GUCY1A2: variants seen among roughly 807,000 people sequenced by gnomAD.
The protein encoded by GUCY1A2 is guanylate cyclase soluble subunit alpha-2.
Under a neutral mutation model 63.5 loss-of-function variants are expected in GUCY1A2, and 27 were observed. That is an observed-to-expected ratio of 0.43 (90% CI 0.31 to 0.59). The LOEUF (loss-of-function observed/expected upper bound fraction) is 0.59. Ranked by LOEUF, GUCY1A2 falls within the 20% of genes least tolerant of loss-of-function variation. The pLI, the probability that GUCY1A2 is intolerant of heterozygous loss-of-function variation, is 0.11. For synonymous variants in GUCY1A2, 364 were observed against 343.5 expected (o/e 1.06, Z -0.66); for missense variants, 768 against 913.3 (o/e 0.84, Z 2.05).
rs1161051415 is a variant in GUCY1A2 at position 106,917,277 on chromosome 11, T to C, written c.1206+22183A>G. Among the ~76,000 whole-genome samples the C allele has an allele frequency of 1.4e-5, 2 of 144,732 alleles. 1 individual carries two copies. Among genetic ancestry groups the C allele is most frequent in the Non-Finnish European group, 3.1e-5 (2 of 64,514 alleles). The allele number at this position is 144,732 out of a possible 152,430, so 94.9% of individuals were successfully genotyped here. On this transcript the variant is annotated intron_variant, in intron 4 of 7. Transcript: ENST00000526355. ...AAACAAGCAGCATATTCAAAGGCCCTGTGGCAACCAGAAGGAGCTTAGCAT... is the reference window on the plus strand; with the variant it reads ...AAACAAGCAGCATATTCAAAGGCCCCGTGGCAACCAGAAGGAGCTTAGCAT...
At chr11:106,736,490 G>C (rs902130045) in intron 6 of GUCY1A2, among the ~76,000 whole-genome samples, 1 of 152,066 alleles carries the variant, frequency 6.6e-6, no homozygotes, top group Non-Finnish European at 1.5e-5. Flanking sequence ...ATTAGCCTAT[G>C]TGTCTATTTT....
Position 106,703,601 on chromosome 11 carries a change from C to T in GUCY1A2, c.1991+4911G>A, listed in dbSNP as rs78923030. ...GAAAAGGCAAGAAAGCATGTTATCACCTAGAACTTTCAGCAAAGAATGAAG... is the reference window on the plus strand; with the variant it reads ...GAAAAGGCAAGAAAGCATGTTATCATCTAGAACTTTCAGCAAAGAATGAAG... On this transcript the variant is annotated intron_variant, in intron 7 of 7. Transcript: ENST00000526355. Among the ~76,000 whole-genome samples the T allele has an allele frequency of 9.9e-3, 1,504 of 152,174 alleles. 20 individuals carry two copies. Among genetic ancestry groups the T allele is most frequent in the African/African-American group, 0.034 (1,400 of 41,524 alleles).
At chr11:106,933,849 G>C (rs1037541298) in intron 4 of GUCY1A2, among the ~76,000 whole-genome samples, 8 of 152,218 alleles carry the variant, frequency 5.3e-5, no homozygotes, top group African/African-American at 1.9e-4. Context: ...AACAAACACA[G>C]GAACGGAAAA....
intron 4 of GUCY1A2, among the ~76,000 whole-genome samples, chr11:106,855,541 G>T (rs985649248): frequency 2.0e-5 from 3 of 151,992 alleles, no homozygotes; most frequent in African/African-American, 7.3e-5. Flanking sequence ...TTTCTCCCAG[G>T]TCTACAACCC....
intron 4 of GUCY1A2, among the ~76,000 whole-genome samples, chr11:106,847,181 G>T (rs1859284946): frequency 6.7e-6 from 1 of 148,512 alleles, no homozygotes. Context: ...CTCAACATCT[G>T]CCTGGCAGTA....
In GUCY1A2 at chr11:106,768,150, A is replaced by ATC. The variant is rs530307997; in HGVS notation, c.1836+8287_1836+8288dup. Among the ~76,000 whole-genome samples the ATC allele has an allele frequency of 3.5e-3, 533 of 152,042 alleles. 7 individuals are homozygous for ATC. The highest frequency in any genetic ancestry group is 3.9e-3 in the Non-Finnish European group (264 of 67,958). ...ACATAACTGAATTTAATCAATGTCA[A>ATC]TCTCTCTCTCTCTTTCTAGATAAGG... is the stretch of plus-strand genomic sequence containing the variant. On this transcript the variant is annotated intron_variant, in intron 6 of 7. Coordinates refer to ENST00000526355, the MANE Select transcript of GUCY1A2 (RefSeq NM_000855.3).
chr11:106,865,457 A>G (rs1859578984), intron 4 of GUCY1A2, among the ~76,000 whole-genome samples: 1 of 151,982 alleles, frequency 6.6e-6, no homozygotes, highest in South Asian at 2.1e-4. Flanking sequence ...ACACCATGGA[A>G]TACTATGCTG....
intron 4 of GUCY1A2, among the ~76,000 whole-genome samples, chr11:106,824,449 C>T (rs1858940842): frequency 6.6e-6 from 1 of 152,062 alleles, no homozygotes; most frequent in Non-Finnish European, 1.5e-5. Flanking sequence ...TTGTTATGCA[C>T]TCTGCTCTTA....
chr11:106,720,347 G>A (rs1253611507), intron 6 of GUCY1A2, among the ~76,000 whole-genome samples: 1 of 152,198 alleles, frequency 6.6e-6, no homozygotes, highest in East Asian at 1.9e-4. Flanking sequence ...GGTCATTCCA[G>A]AAGCCCTTGC....
intron 4 of GUCY1A2, among the ~76,000 whole-genome samples, chr11:106,829,984 TAGA>T (rs930306680): frequency 1.4e-4 from 22 of 152,292 alleles, no homozygotes; most frequent in African/African-American, 5.1e-4. Flanking sequence ...GAATGGGTAG[TAGA>T]AGAAGGTAGT....
At chr11:107,008,587 CATTT>C (rs1390332346) in intron 1 of GUCY1A2, among the ~76,000 whole-genome samples, 1 of 152,114 alleles carries the variant, frequency 6.6e-6, no homozygotes, top group Non-Finnish European at 1.5e-5. Flanking sequence ...TTTTAACAAA[CATTT>C]ATTGAGTGCC....
chr11:106,866,116 A>C (rs1221937850), intron 4 of GUCY1A2, among the ~76,000 whole-genome samples: 1 of 152,008 alleles, frequency 6.6e-6, no homozygotes, highest in Non-Finnish European at 1.5e-5. Flanking sequence ...TGTGGTGCAA[A>C]AAGAACTAGA....
At chr11:106,914,897 G>C (rs949266351) in intron 4 of GUCY1A2, among the ~76,000 whole-genome samples, 1 of 151,976 alleles carries the variant, frequency 6.6e-6, no homozygotes, top group African/African-American at 2.4e-5. Flanking sequence ...TGAACAAACA[G>C]AAAATCAACA....
rs1187160294 is a variant in GUCY1A2 at position 106,674,822 on chromosome 11, G to A, written c.*12727C>T. On this transcript the variant is annotated 3_prime_UTR_variant, in exon 8 of 8. Transcript: ENST00000526355. ...TTAGCCAAAATGTTAAAATAATTCAGGTTAAATGAAAACCACCCCATGCAG... is the reference window on the plus strand; with the variant it reads ...TTAGCCAAAATGTTAAAATAATTCAAGTTAAATGAAAACCACCCCATGCAG... 1.4e-5 allele frequency: 3 copies of A among 215,518 alleles called. No individual in the cohort carries two copies. The highest frequency in any genetic ancestry group is 4.5e-5 in the African/African-American group (2 of 44,328). 13.4% of individuals were successfully genotyped at this position (215,518 alleles called of 1,614,324 possible). A position where few individuals can be genotyped will look rare whatever the true frequency, so the allele number is the denominator to read the frequency against.
At chr11:106,901,798 C>T (rs1313357315) in intron 4 of GUCY1A2, among the ~76,000 whole-genome samples, 1 of 152,088 alleles carries the variant, frequency 6.6e-6, no homozygotes, top group Non-Finnish European at 1.5e-5. Flanking sequence ...CATCCATGTC[C>T]CTACAACGGA....
At chr11:106,710,046 TATATATAATATATA>T (rs1210752900) in intron 6 of GUCY1A2, among the ~76,000 whole-genome samples, 8 of 97,064 alleles carry the variant, frequency 8.2e-5, no homozygotes, top group Non-Finnish European at 1.7e-4. Flanking sequence ...AGTATATAGT[TATATATAATATATA>T]CATGTATATA....
At chr11:106,898,557 G>A (rs1860082999) in intron 4 of GUCY1A2, among the ~76,000 whole-genome samples, 1 of 152,084 alleles carries the variant, frequency 6.6e-6, no homozygotes, top group Non-Finnish European at 1.5e-5. Flanking sequence ...AAGATAAGCA[G>A]AAAAATTAAA....
At chr11:106,879,540 T>C (rs1859795901) in intron 4 of GUCY1A2, among the ~76,000 whole-genome samples, 1 of 152,082 alleles carries the variant, frequency 6.6e-6, no homozygotes, top group Non-Finnish European at 1.5e-5. Context: ...TGTTTTTCCT[T>C]CCTTTGTACT....
At chr11:106,993,393 T>C (rs999551184) in intron 1 of GUCY1A2, among the ~76,000 whole-genome samples, 17 of 152,166 alleles carry the variant, frequency 1.1e-4, no homozygotes, top group African/African-American at 4.1e-4. Flanking sequence ...CTAAAACTAA[T>C]CCAAATAATG....
Sources: gnomAD v4.1 joint callset for allele counts (sites outside exome capture counted in the v4.1 genomes callset) on GRCh38, gnomAD v4.1.1 for gene constraint, MANE v1.5 for transcripts, NCBI Gene and HGNC (gene_info 2026-07-23, HGNC 2026-07-21) for gene names.